WDR26: variants seen among roughly 807,000 people sequenced by gnomAD.
The protein encoded by WDR26 is WD repeat-containing protein 26.
In WDR26, 5 loss-of-function variants were observed where a neutral mutation model predicts 84.1. The ratio of observed to expected loss-of-function variants is 0.06; its 90% CI spans 0.03 to 0.13. WDR26 has a LOEUF of 0.13. Ranked by LOEUF, WDR26 falls within the 10% of genes least tolerant of loss-of-function variation. WDR26 has a pLI of 1.00. For synonymous variants in WDR26, 415 were observed against 389.6 expected, an observed-to-expected ratio of 1.07 and a Z score of -0.77; for missense variants, 642 against 974.9, an observed-to-expected ratio of 0.66 and a Z score of 4.55.
At chr1:224,419,655 T>C (rs746108038) in intron 4 of WDR26, 40 bp from the exon 5 acceptor site, 17 of 1,481,592 alleles carry the variant, frequency 1.1e-5, no homozygotes, top group Non-Finnish European at 1.6e-5. Context: ...ATTAAACCCA[T>C]TTCTTTGTAA....
intron 3 of WDR26, among the ~76,000 whole-genome samples, chr1:224,426,363 G>C (rs1198798384): frequency 1.3e-5 from 2 of 152,082 alleles, no homozygotes; most frequent in African/African-American, 4.8e-5. Context: ...TCTCATATAA[G>C]TTAGGCATGT....
chr1:224,407,904 C>T (rs1673627826), intron 7 of WDR26, among the ~76,000 whole-genome samples: 1 of 152,182 alleles, frequency 6.6e-6, no homozygotes, highest in African/African-American at 2.4e-5. Flanking sequence ...CCAGAGGACT[C>T]ACTATAATAC....
chr1:224,423,205 T>G (rs2897048), intron 4 of WDR26, among the ~76,000 whole-genome samples: 1 of 152,108 alleles, frequency 6.6e-6, no homozygotes, highest in Non-Finnish European at 1.5e-5. Flanking sequence ...TGAACAGAGA[T>G]AGTTTTTCCT....
In WDR26 at chr1:224,425,221, GTAC is replaced by G. The variant is rs1433998449; in HGVS notation, c.928-570_928-568del. On this transcript the variant is annotated intron_variant, in intron 3 of 13. Transcript: ENST00000414423. ...AAAAGTTAAGAGCTGTCCAACAAAT[GTAC>G]TACAAGTTGGTGTGCAAAGTATTGA... is the stretch of plus-strand genomic sequence containing the variant. Among the ~76,000 whole-genome samples, 4 of 152,204 alleles carry G rather than the reference GTAC, an allele frequency of 2.6e-5. No individual in the cohort carries two copies. The East Asian group carries it at 7.7e-4, about 29-fold the overall frequency.
chr1:224,405,408 T>C (rs1327304078), intron 7 of WDR26, among the ~76,000 whole-genome samples: 1 of 152,224 alleles, frequency 6.6e-6, no homozygotes, highest in East Asian at 1.9e-4. Context: ...TGTGTAGACA[T>C]ATGTTTCCAT....
intron 6 of WDR26, chr1:224,413,106 T>C: frequency 5.1e-6 from 1 of 197,064 alleles, no homozygotes; most frequent in South Asian, 9.0e-5. Context: ...GGAGAATCGC[T>C]TGAATGTGGG....
At chr1:224,423,781 T>TATAC (rs1674132476) in intron 4 of WDR26, among the ~76,000 whole-genome samples, 1 of 152,142 alleles carries the variant, frequency 6.6e-6, no homozygotes, top group African/African-American at 2.4e-5. Context: ...TGCCAGTAGA[T>TATAC]ATACATATTG....
chr1:224,396,880 A>G (rs950057239), intron 12 of WDR26, among the ~76,000 whole-genome samples: 1 of 122,600 alleles, frequency 8.2e-6, no homozygotes, highest in Middle Eastern at 3.8e-3. Flanking sequence ...AGATCGTGCC[A>G]TTGCACTCAA....
intron 6 of WDR26, among the ~76,000 whole-genome samples, chr1:224,414,649 T>C (rs187918159): frequency 6.6e-6 from 1 of 152,258 alleles, no homozygotes; most frequent in Admixed American, 6.5e-5. Context: ...ATTAGCAACT[T>C]TTCTTTTGAA....
intron 7 of WDR26, among the ~76,000 whole-genome samples, chr1:224,406,973 T>C (rs1673583530): frequency 6.7e-6 from 1 of 149,790 alleles, no homozygotes; most frequent in Admixed American, 6.7e-5. Flanking sequence ...AATACAAAAA[T>C]TAGCCGGGTG....
chr1:224,393,245 C>T (rs1014751646), intron 13 of WDR26, among the ~76,000 whole-genome samples: 7 of 152,170 alleles, frequency 4.6e-5, no homozygotes, highest in African/African-American at 9.7e-5. Flanking sequence ...GATAAAAATA[C>T]TTCCCTTATA....
intron 7 of WDR26, among the ~76,000 whole-genome samples, chr1:224,407,170 A>ATATATATG (rs1421408562): frequency 8.5e-6 from 1 of 116,962 alleles, no homozygotes; most frequent in Non-Finnish European, 1.7e-5. Context: ...ATATATATAT[A>ATATATATG]TAACTCAAAA....
Position 224,404,526 on chromosome 1 carries a change from A to T in WDR26, c.1503T>A (p.Ala501=), listed in dbSNP as rs778576808. The T allele has an allele frequency of 6.2e-7, 1 of 1,613,910 alleles. No individual in the cohort carries two copies. Among genetic ancestry groups the T allele is most frequent in the African/African-American group, 1.3e-5 (1 of 74,930 alleles). ...TCCATGCAATATAAGAAACGCCATA[A>T]GCATGTCCTTCTAATGTTTTAAGCA... is the stretch of plus-strand genomic sequence containing the variant. Residue 501 remains alanine (A), a synonymous_variant, in exon 8 of 14, where the codon GCT becomes GCA. Transcript: ENST00000414423.
intron 1 of WDR26, 67 bp downstream of exon 1, chr1:224,433,617 C>CAG: frequency 6.0e-5 from 53 of 877,016 alleles, no homozygotes; most frequent in Non-Finnish European, 6.0e-5. Context: ...TCCGCCCCTT[C>CAG]CCCTACCCCC....
intron 7 of WDR26, among the ~76,000 whole-genome samples, chr1:224,407,267 T>C (rs1313177555): frequency 7.0e-6 from 1 of 143,062 alleles, no homozygotes; most frequent in Non-Finnish European, 1.5e-5. Flanking sequence ...ATTAGCACAG[T>C]GCCTTTATAC....
Position 224,433,989 on chromosome 1 carries a change from G to A in WDR26, c.417C>T (p.Asn139=). The A allele has an allele frequency of 6.6e-7, 1 of 1,522,956 alleles. No homozygotes were observed. The highest frequency in any genetic ancestry group is 1.8e-4 in the Middle Eastern group (1 of 5,706). 94.3% of individuals were successfully genotyped at this position (1,522,956 alleles called of 1,614,324 possible). The change falls in exon 1 of 14, where the codon AAC becomes AAT. Residue 139 remains asparagine, a synonymous_variant. Coordinates refer to ENST00000414423, the MANE Select transcript of WDR26 (RefSeq NM_001379403.1). ...ACGACGACGAGGGGGACGACTCCCCGTTCTGGGCCGACAAGCAGGCGAGTT... is the reference window on the plus strand; with the variant it reads ...ACGACGACGAGGGGGACGACTCCCCATTCTGGGCCGACAAGCAGGCGAGTT...
intron 1 of WDR26, among the ~76,000 whole-genome samples, chr1:224,432,999 T>C (rs1478983149): frequency 6.6e-6 from 1 of 152,218 alleles, no homozygotes; most frequent in African/African-American, 2.4e-5. Context: ...TCAGAGGCGA[T>C]CATCTTCTTG....
chr1:224,409,454 G>A (rs1209775677), intron 7 of WDR26, among the ~76,000 whole-genome samples: 1 of 152,088 alleles, frequency 6.6e-6, no homozygotes, highest in East Asian at 1.9e-4. Context: ...ACCAAAAAAA[G>A]GTAAAGAACC....
At chr1:224,428,066 T>C (rs1674282306) in intron 3 of WDR26, among the ~76,000 whole-genome samples, 1 of 152,226 alleles carries the variant, frequency 6.6e-6, no homozygotes, top group Non-Finnish European at 1.5e-5. Context: ...TTACCATCTC[T>C]GGGCCCAGCA....
Sources: gnomAD v4.1 joint callset for allele counts (sites outside exome capture counted in the v4.1 genomes callset) on GRCh38, gnomAD v4.1.1 for gene constraint, MANE v1.5 for transcripts, NCBI Gene and HGNC (gene_info 2026-07-23, HGNC 2026-07-21) for gene names.